The following CADM2 variants were observed in gnomAD, a reference collection of about 807,000 sequenced individuals.
CADM2 encodes cell adhesion molecule 2.
Under a neutral mutation model 49.8 loss-of-function variants are expected in CADM2, and 12 were observed. The observed-to-expected ratio is 0.24, with a 90% CI of 0.15 to 0.39. The LOEUF is 0.39. CADM2 is among the 10% of genes least tolerant of loss of function. The pLI is 1.00. For synonymous variants in CADM2, 214 were observed against 175.4 expected, an observed-to-expected ratio of 1.22 and a Z score of -1.74; for missense variants, 378 against 492.3, an observed-to-expected ratio of 0.77 and a Z score of 2.20.
chr3:85,229,241 A>G (rs917907554), intron 1 of CADM2, among the ~76,000 whole-genome samples: 4 of 152,156 alleles, frequency 2.6e-5, no homozygotes, highest in African/African-American at 4.8e-5. Context: ...TTAGCTTGCT[A>G]GGCTCGGTGG....
At chr3:85,204,733 G>A (rs2041591266) in intron 1 of CADM2, among the ~76,000 whole-genome samples, 1 of 152,006 alleles carries the variant, frequency 6.6e-6, no homozygotes, top group South Asian at 2.1e-4. Context: ...TAGGAGCTTT[G>A]ATTAAATATA....
intron 1 of CADM2, among the ~76,000 whole-genome samples, chr3:85,409,593 T>C (rs753669334): frequency 2.0e-5 from 3 of 152,030 alleles, no homozygotes; most frequent in Non-Finnish European, 4.4e-5. Flanking sequence ...AGTCATATGA[T>C]CCAACGTGAA....
intron 1 of CADM2, among the ~76,000 whole-genome samples, chr3:85,134,220 C>G (rs992034572): frequency 6.6e-6 from 1 of 152,334 alleles, no homozygotes; most frequent in South Asian, 2.1e-4. Flanking sequence ...CGCGCGCAGC[C>G]CCGGTTCCCG....
intron 1 of CADM2, among the ~76,000 whole-genome samples, chr3:85,427,045 C>A (rs1290417538): frequency 1.3e-5 from 2 of 151,084 alleles, no homozygotes; most frequent in South Asian, 2.1e-4. Flanking sequence ...AGGATGTTTC[C>A]ATGTATATGA....
At chr3:85,593,563 G>T (rs2107353803) in intron 1 of CADM2, among the ~76,000 whole-genome samples, 1 of 152,066 alleles carries the variant, frequency 6.6e-6, no homozygotes, top group Non-Finnish European at 1.5e-5. Context: ...CTAGTGATCT[G>T]CAAATAGAAA....
At chr3:85,733,628 T>C (rs1250898371) in intron 2 of CADM2, among the ~76,000 whole-genome samples, 1 of 152,174 alleles carries the variant, frequency 6.6e-6, no homozygotes, top group Admixed American at 6.6e-5. Context: ...AAAATAGGTT[T>C]GAGCTTCACT....
chr3:85,534,046 T>C (rs1213039644), intron 1 of CADM2, among the ~76,000 whole-genome samples: 1 of 152,182 alleles, frequency 6.6e-6, no homozygotes. Flanking sequence ...AATCTCCATA[T>C]TTACTCAGAT....
intron 1 of CADM2, among the ~76,000 whole-genome samples, chr3:85,391,182 A>G (rs983573961): frequency 3.3e-5 from 5 of 152,078 alleles, no homozygotes; most frequent in African/African-American, 1.2e-4. Context: ...TAAAGGATAC[A>G]TTGGGTCTAT....
At chr3:85,673,179 C>T (rs550991713) in intron 1 of CADM2, among the ~76,000 whole-genome samples, 8 of 152,300 alleles carry the variant, frequency 5.3e-5, no homozygotes, top group African/African-American at 1.9e-4. Flanking sequence ...AAAAAGCCCT[C>T]TGCCTGTGTA....
chr3:85,742,306 A>T (rs1358697828), intron 2 of CADM2, among the ~76,000 whole-genome samples: 1 of 152,178 alleles, frequency 6.6e-6, no homozygotes. Flanking sequence ...CATGTTATAG[A>T]TGTTATACAT....
At chr3:85,051,549 A>G (rs1250024738) in intron 1 of CADM2, among the ~76,000 whole-genome samples, 1 of 152,164 alleles carries the variant, frequency 6.6e-6, no homozygotes, top group Non-Finnish European at 1.5e-5. Flanking sequence ...TGTGTTACTG[A>G]TGATTTGGCA....
At chr3:85,029,921 G>A (rs1354251714) in intron 1 of CADM2, among the ~76,000 whole-genome samples, 1 of 152,136 alleles carries the variant, frequency 6.6e-6, no homozygotes, top group Non-Finnish European at 1.5e-5. Context: ...TGTTTTAATA[G>A]CACTTCTTCA....
At chr3:85,740,021 C>T (rs920234312) in intron 2 of CADM2, among the ~76,000 whole-genome samples, 1 of 152,100 alleles carries the variant, frequency 6.6e-6, no homozygotes, top group Non-Finnish European at 1.5e-5. Flanking sequence ...AGAAAGAGAT[C>T]TGTTATGAGT....
chr3:85,619,030 A>T (rs1290155862), intron 1 of CADM2, among the ~76,000 whole-genome samples: 2 of 134,934 alleles, frequency 1.5e-5, no homozygotes, highest in Non-Finnish European at 3.2e-5. Context: ...ACAGAATGAG[A>T]CTCTGTCTCA....
intron 1 of CADM2, among the ~76,000 whole-genome samples, chr3:85,127,500 G>C (rs2039075903): frequency 6.6e-6 from 1 of 152,194 alleles, no homozygotes; most frequent in Non-Finnish European, 1.5e-5. Flanking sequence ...TTCTGACAGG[G>C]ACTCAGCCTG....
At chr3:85,949,842 G>T (rs923475364) in intron 7 of CADM2, among the ~76,000 whole-genome samples, 2 of 151,020 alleles carry the variant, frequency 1.3e-5, no homozygotes, top group East Asian at 3.9e-4. Flanking sequence ...ATTAAAGGAA[G>T]TAATGGGTTG....
chr3:85,063,535 T>A (rs1389433575), intron 1 of CADM2, among the ~76,000 whole-genome samples: 2 of 152,004 alleles, frequency 1.3e-5, no homozygotes, highest in Non-Finnish European at 2.9e-5. Flanking sequence ...AGTATTTTGA[T>A]CTTAAACAGG....
intron 1 of CADM2, among the ~76,000 whole-genome samples, chr3:85,526,955 G>A (rs1401710779): frequency 6.6e-6 from 1 of 152,084 alleles, no homozygotes; most frequent in Non-Finnish European, 1.5e-5. Flanking sequence ...ATTTTTTAAC[G>A]CTCTTTCTGC....
chr3:85,880,271 C>A (rs1712546419), intron 3 of CADM2, among the ~76,000 whole-genome samples: 1 of 151,964 alleles, frequency 6.6e-6, no homozygotes, highest in African/African-American at 2.4e-5. Flanking sequence ...CACTTTTTTT[C>A]TTGTCTTAAG....
Sources: allele counts gnomAD v4.1 joint callset (sites outside exome capture counted in the v4.1 genomes callset), GRCh38; gene constraint gnomAD v4.1.1; transcripts MANE v1.5; gene names NCBI Gene and HGNC (gene_info 2026-07-23, HGNC 2026-07-21).